The following GALK2 variants were observed in gnomAD, a reference collection of about 807,000 sequenced individuals.
The protein encoded by GALK2 is N-acetylgalactosamine kinase.
In GALK2, 36 loss-of-function variants were observed where a neutral mutation model predicts 52.4. That is an observed-to-expected ratio of 0.69 (90% CI 0.53 to 0.91). The LOEUF (loss-of-function observed/expected upper bound fraction) is 0.91. GALK2 is among the 40% of genes least tolerant of loss of function. GALK2 has a pLI of 0.00. For missense variants in GALK2, 579 were observed against 559.1 expected, an observed-to-expected ratio of 1.04 and a Z score of -0.36; for synonymous variants, 176 against 199.1, an observed-to-expected ratio of 0.88 and a Z score of 0.98.
chr15:49,177,751 A>G, intron 1 of GALK2: 1 of 801,632 alleles, frequency 1.2e-6, no homozygotes, highest in South Asian at 1.8e-5. Flanking sequence ...TTGCTTGTGG[A>G]CTGGTTTGGT....
At chr15:49,234,234 G>A (rs897739373) in intron 3 of GALK2, among the ~76,000 whole-genome samples, 1 of 152,060 alleles carries the variant, frequency 6.6e-6, no homozygotes, top group African/African-American at 2.4e-5. Context: ...TCATTTTGAA[G>A]TATTTTTTTT....
At chr15:49,287,400 T>C (rs1357594640) in intron 7 of GALK2, among the ~76,000 whole-genome samples, 1 of 152,192 alleles carries the variant, frequency 6.6e-6, no homozygotes, top group East Asian at 1.9e-4. Context: ...ATCCCAGGTT[T>C]TATACAAAAG....
At chr15:49,242,672 A>C (rs12593119) in intron 5 of GALK2, among the ~76,000 whole-genome samples, 1 of 152,224 alleles carries the variant, frequency 6.6e-6, no homozygotes, top group African/African-American at 2.4e-5. Context: ...TAAATGTTGC[A>C]TATCTGAAAC....
intron 5 of GALK2, among the ~76,000 whole-genome samples, chr15:49,264,557 CCTT>C (rs2092281088): frequency 6.6e-6 from 1 of 152,192 alleles, no homozygotes; most frequent in Non-Finnish European, 1.5e-5. Context: ...TCGTCTGAAG[CCTT>C]CTTCTCTCAG....
At chr15:49,220,798 A>G (rs547934601) in intron 3 of GALK2, among the ~76,000 whole-genome samples, 1 of 152,262 alleles carries the variant, frequency 6.6e-6, no homozygotes, top group South Asian at 2.1e-4. Context: ...ATGATGTCTC[A>G]TTGTGGTTTT....
Position 49,328,316 on chromosome 15 carries a change from T to C in GALK2, c.*157T>C. ...TTCAAAGAAATGGTTGAAAGCTCTCTATGCTTCATAATGATTCTTTTTCCA... is the reference window on the plus strand; with the variant it reads ...TTCAAAGAAATGGTTGAAAGCTCTCCATGCTTCATAATGATTCTTTTTCCA... On this transcript the variant is annotated 3_prime_UTR_variant, in exon 10 of 10. Coordinates refer to ENST00000560031, the MANE Select transcript of GALK2 (RefSeq NM_002044.4). 1 of 1,435,112 alleles carries C rather than the reference T, an allele frequency of 7.0e-7. No individual in the cohort carries two copies. Among genetic ancestry groups the C allele is most frequent in the Non-Finnish European group, 9.1e-7 (1 of 1,098,504 alleles). The allele number at this position is 1,435,112 out of a possible 1,614,324, so 88.9% of individuals were successfully genotyped here.
At chr15:49,289,267 G>A (rs954160485) in intron 7 of GALK2, among the ~76,000 whole-genome samples, 2 of 152,164 alleles carry the variant, frequency 1.3e-5, no homozygotes, top group African/African-American at 4.8e-5. Flanking sequence ...AGATGCACAT[G>A]AATGAAGGAA....
At chr15:49,317,609 C>A (rs1193378359) in intron 8 of GALK2, among the ~76,000 whole-genome samples, 1 of 152,080 alleles carries the variant, frequency 6.6e-6, no homozygotes, top group Non-Finnish European at 1.5e-5. Flanking sequence ...CACATGCACA[C>A]ATATGTTTAT....
intron 8 of GALK2, among the ~76,000 whole-genome samples, chr15:49,309,334 G>A (rs984882675): frequency 1.3e-5 from 2 of 152,094 alleles, no homozygotes; most frequent in Admixed American, 6.5e-5. Flanking sequence ...GTAGGTTTCT[G>A]TTGTTTACAA....
At chr15:49,311,887 G>C (rs1391908398) in intron 8 of GALK2, among the ~76,000 whole-genome samples, 1 of 152,210 alleles carries the variant, frequency 6.6e-6, no homozygotes, top group Non-Finnish European at 1.5e-5. Flanking sequence ...AATGCCCCAG[G>C]CTTCCCATTG....
intron 3 of GALK2, among the ~76,000 whole-genome samples, chr15:49,339,112 C>G (rs568719735): frequency 6.6e-6 from 1 of 152,174 alleles, no homozygotes; most frequent in East Asian, 1.9e-4. Context: ...TATTACCCAC[C>G]TTCTGAAGCC....
chr15:49,258,423 T>C (rs1045450508), intron 5 of GALK2, among the ~76,000 whole-genome samples: 2 of 152,056 alleles, frequency 1.3e-5, no homozygotes, highest in African/African-American at 4.8e-5. Context: ...CATTCCAGAC[T>C]GAAGGAATGG....
At chr15:49,295,140 T>A (rs2034344333) in intron 8 of GALK2, among the ~76,000 whole-genome samples, 2 of 145,000 alleles carry the variant, frequency 1.4e-5, no homozygotes, top group African/African-American at 2.6e-5. Context: ...TATCTAGGAG[T>A]GAAGGAAAGA....
chr15:49,228,691 T>TA (rs1566958098), intron 3 of GALK2, among the ~76,000 whole-genome samples: 10 of 26,374 alleles, frequency 3.8e-4, no homozygotes, highest in African/African-American at 2.1e-3. Flanking sequence ...ATATATATTT[T>TA]TTTTTTTTTT....
At chr15:49,337,600 T>C (rs1567097089) in intron 3 of GALK2, among the ~76,000 whole-genome samples, 3 of 145,628 alleles carry the variant, frequency 2.1e-5, no homozygotes, top group African/African-American at 7.6e-5. Context: ...TAGGTATACA[T>C]GTGCCATGGT....
chr15:49,299,742 T>TCTTTCTTTCTTTCTTTCTTTCTTTCTTTC (rs2034855278), intron 8 of GALK2, among the ~76,000 whole-genome samples: 2 of 107,262 alleles, frequency 1.9e-5, no homozygotes, highest in African/African-American at 3.4e-5. Flanking sequence ...TTCTTTTCTT[T>TCTTTCTTTCTTTCTTTCTTTCTTTCTTTC]CTTTCTTTCT....
intron 5 of GALK2, among the ~76,000 whole-genome samples, chr15:49,245,921 T>C (rs888153973): frequency 6.6e-6 from 1 of 152,188 alleles, no homozygotes; most frequent in Non-Finnish European, 1.5e-5. Flanking sequence ...GCAGTTACTT[T>C]ATATAGTGAT....
chr15:49,225,648 C>T (rs140462782), intron 3 of GALK2, among the ~76,000 whole-genome samples: 1 of 152,312 alleles, frequency 6.6e-6, no homozygotes, highest in Non-Finnish European at 1.5e-5. Context: ...ATGCCCTTCT[C>T]TGGTGCTGGC....
At chr15:49,237,981 A>G (rs1345082539) in intron 4 of GALK2, among the ~76,000 whole-genome samples, 1 of 152,188 alleles carries the variant, frequency 6.6e-6, no homozygotes, top group African/African-American at 2.4e-5. Flanking sequence ...GAAGAGAAGT[A>G]CACCCAGCTA....
Sources: allele counts gnomAD v4.1 joint callset (sites outside exome capture counted in the v4.1 genomes callset), GRCh38; gene constraint gnomAD v4.1.1; transcripts MANE v1.5; gene names NCBI Gene and HGNC (gene_info 2026-07-23, HGNC 2026-07-21).